The following GABRG3 variants were observed in gnomAD, a reference collection of about 807,000 sequenced individuals.
The protein encoded by GABRG3 is gamma-aminobutyric acid receptor subunit gamma-3.
Under a neutral mutation model 48.8 loss-of-function variants are expected in GABRG3, and 25 were observed. The ratio of observed to expected loss-of-function variants is 0.51; its 90% CI spans 0.37 to 0.72. The LOEUF is 0.72. Among genes scored for constraint, GABRG3 ranks in the 30% least tolerant of loss-of-function variants. The pLI, the probability that GABRG3 is intolerant of heterozygous loss-of-function variation, is 0.00. For synonymous variants in GABRG3, 227 were observed against 217.6 expected (o/e 1.04, Z -0.38); for missense variants, 394 against 577.9 (o/e 0.68, Z 3.26).
At position 27,205,982 on chromosome 15, in the gene GABRG3, G is replaced by C. The variant is rs903442209; in HGVS notation, c.271-120827G>C. ...TTTTTAAAAATTAGTCTAGCTACTT[G>C]TCTGTCAATGTTACTTATTCTTTCA... On this transcript the variant is annotated intron_variant, in intron 3 of 9. Coordinates refer to ENST00000615808, the MANE Select transcript of GABRG3 (RefSeq NM_033223.5). 1.1e-3 allele frequency among the ~76,000 whole-genome samples: 162 copies of C among 152,006 alleles called. 1 individual carries two copies. Among genetic ancestry groups the C allele is most frequent in the African/African-American group, 3.8e-3 (158 of 41,502 alleles).
Position 27,254,817 on chromosome 15 carries a change from G to A in GABRG3, c.271-71992G>A, listed in dbSNP as rs17739792. On this transcript the variant is annotated intron_variant, in intron 3 of 9. Coordinates refer to ENST00000615808, the MANE Select transcript of GABRG3 (RefSeq NM_033223.5). ...CACTGCTCTGTGGAAATAGAGCACA[G>A]TTGGGTAGGCACAAAGTCAGGGAGC... Among the ~76,000 whole-genome samples, 811 of 152,236 alleles carry A rather than the reference G, an allele frequency of 5.3e-3. 19 individuals are homozygous for A. In the East Asian group the frequency reaches 0.064, roughly 12 times the overall value.
intron 5 of GABRG3, among the ~76,000 whole-genome samples, chr15:27,461,133 G>A (rs6497269): frequency 0.38 from 57,442 of 152,036 alleles, 14,139 homozygotes; most frequent in African/African-American, 0.68. Flanking sequence ...AGTTCAAGAT[G>A]TGCGGCAGGC....
chr15:27,022,912 GGCA>G (rs2140679087), intron 2 of GABRG3, among the ~76,000 whole-genome samples: 1 of 152,288 alleles, frequency 6.6e-6, no homozygotes, highest in East Asian at 1.9e-4. Context: ...AAAGAGAAAA[GGCA>G]GCCCATGTAC....
chr15:27,270,436 A>G (rs529995832), intron 3 of GABRG3, among the ~76,000 whole-genome samples: 13 of 152,352 alleles, frequency 8.5e-5, no homozygotes, highest in African/African-American at 2.2e-4. Flanking sequence ...ATAGCCAGAC[A>G]GATGGAGAGG....
At chr15:27,272,509 T>G (rs1245452750) in intron 3 of GABRG3, among the ~76,000 whole-genome samples, 3 of 152,196 alleles carry the variant, frequency 2.0e-5, no homozygotes, top group Non-Finnish European at 2.9e-5. Flanking sequence ...CAAAGAGGTG[T>G]CTATGACTGC....
intron 5 of GABRG3, among the ~76,000 whole-genome samples, chr15:27,351,009 T>C (rs1894552306): frequency 6.6e-6 from 1 of 150,420 alleles, no homozygotes; most frequent in Non-Finnish European, 1.5e-5. Flanking sequence ...TACTTGTGTG[T>C]ATGGTGTGTA....
intron 3 of GABRG3, among the ~76,000 whole-genome samples, chr15:27,049,478 A>G (rs1456161730): frequency 6.6e-6 from 1 of 152,166 alleles, no homozygotes. Flanking sequence ...TCTTCCCAGC[A>G]GCCTTACCAA....
chr15:27,042,136 G>T (rs1379681038), intron 3 of GABRG3, among the ~76,000 whole-genome samples: 1 of 152,206 alleles, frequency 6.6e-6, no homozygotes, highest in Non-Finnish European at 1.5e-5. Flanking sequence ...ACTGTGGTCT[G>T]GCTGGATGCA....
intron 5 of GABRG3, among the ~76,000 whole-genome samples, chr15:27,477,394 A>G (rs1187693005): frequency 6.6e-6 from 1 of 152,210 alleles, no homozygotes; most frequent in South Asian, 2.1e-4. Flanking sequence ...CGGTAAAAGG[A>G]TCAGTAGTTG....
intron 3 of GABRG3, among the ~76,000 whole-genome samples, chr15:27,282,244 C>A (rs557791991): frequency 6.6e-6 from 1 of 152,188 alleles, no homozygotes; most frequent in Non-Finnish European, 1.5e-5. Flanking sequence ...GCTTCTTTAA[C>A]TGTAGGTTAA....
chr15:27,462,648 C>T (rs1194833093), intron 5 of GABRG3, among the ~76,000 whole-genome samples: 1 of 152,114 alleles, frequency 6.6e-6, no homozygotes, highest in Non-Finnish European at 1.5e-5. Flanking sequence ...CTTCTCCTAT[C>T]ACTTGATATA....
chr15:27,514,782 A>C (rs1268058529), intron 6 of GABRG3, among the ~76,000 whole-genome samples: 2 of 152,216 alleles, frequency 1.3e-5, no homozygotes, highest in African/African-American at 4.8e-5. Context: ...CAAAATGCAC[A>C]CACAGATTCA....
intron 3 of GABRG3, among the ~76,000 whole-genome samples, chr15:27,074,144 A>G (rs1176346800): frequency 2.6e-4 from 40 of 152,118 alleles, no homozygotes; most frequent in Admixed American, 6.5e-5. Flanking sequence ...CCAGGAGAAC[A>G]GTATTGAGGA....
intron 5 of GABRG3, among the ~76,000 whole-genome samples, chr15:27,344,549 A>G (rs1416117611): frequency 1.3e-5 from 2 of 152,202 alleles, no homozygotes; most frequent in African/African-American, 4.8e-5. Flanking sequence ...GAACCTTTGT[A>G]AGGATATGTA....
chr15:27,168,361 C>T (rs1887450263), intron 3 of GABRG3, among the ~76,000 whole-genome samples: 1 of 151,662 alleles, frequency 6.6e-6, no homozygotes, highest in South Asian at 2.1e-4. Context: ...GCAGTCGCCC[C>T]ACACATGTCT....
chr15:27,181,384 G>T (rs936602089), intron 3 of GABRG3, among the ~76,000 whole-genome samples: 18 of 152,280 alleles, frequency 1.2e-4, no homozygotes, highest in African/African-American at 4.3e-4. Flanking sequence ...TTGTTTTGGG[G>T]GAAGATTTGT....
intron 3 of GABRG3, among the ~76,000 whole-genome samples, chr15:27,305,491 T>A (rs1042540764): frequency 1.4e-5 from 2 of 147,234 alleles, no homozygotes; most frequent in South Asian, 2.1e-4. Flanking sequence ...GTGTGTTTTT[T>A]ATATATATAT....
intron 2 of GABRG3, among the ~76,000 whole-genome samples, chr15:26,978,066 C>T (rs1385455662): frequency 6.6e-6 from 1 of 152,110 alleles, no homozygotes; most frequent in Non-Finnish European, 1.5e-5. Context: ...TCTTAATTTA[C>T]ATTTCCCTAA....
intron 5 of GABRG3, among the ~76,000 whole-genome samples, chr15:27,390,166 A>C (rs1194780301): frequency 6.6e-6 from 1 of 152,234 alleles, no homozygotes; most frequent in Non-Finnish European, 1.5e-5. Flanking sequence ...TTAAGTGAAT[A>C]ATGCTTCACA....
Sources: allele counts gnomAD v4.1 joint callset (sites outside exome capture counted in the v4.1 genomes callset), GRCh38; gene constraint gnomAD v4.1.1; transcripts MANE v1.5; gene names NCBI Gene and HGNC (gene_info 2026-07-23, HGNC 2026-07-21).